The following C8orf34 variants were observed in gnomAD, a reference collection of about 807,000 sequenced individuals.
The protein encoded by C8orf34 is chromosome 8 open reading frame 34.
C8orf34 carries 65 observed loss-of-function variants against 68.3 expected under a neutral mutation model. The observed-to-expected ratio is 0.95, with a 90% CI of 0.78 to 1.17. The LOEUF (loss-of-function observed/expected upper bound fraction) is 1.17, where lower values mean the gene tolerates loss of function less well. C8orf34 is among the 50% of genes most tolerant of loss of function. The probability of loss-of-function intolerance (pLI) is 0.00; values close to 1 mark genes in which losing one functional copy is unlikely to be tolerated. For missense variants in C8orf34, 664 were observed against 655.4 expected, an observed-to-expected ratio of 1.01 and a Z score of -0.14; for synonymous variants, 244 against 241.2, an observed-to-expected ratio of 1.01 and a Z score of -0.11.
intron 4 of C8orf34, among the ~76,000 whole-genome samples, chr8:68,485,768 G>A (rs1300892702): frequency 6.7e-6 from 1 of 150,040 alleles, no homozygotes; most frequent in African/African-American, 2.4e-5. Context: ...TAAATCAAGA[G>A]GTTAAGAGAG....
At chr8:68,485,777 A>G (rs1813055496) in intron 4 of C8orf34, among the ~76,000 whole-genome samples, 1 of 151,484 alleles carries the variant, frequency 6.6e-6, no homozygotes, top group Non-Finnish European at 1.5e-5. Flanking sequence ...AGGTTAAGAG[A>G]GTTTAAAAAA....
rs546006697 is a variant in C8orf34, at chr8:68,524,732, A to G, written c.938+2761A>G. ...ATTTAGAGTTATTAAAAATAATCCC[A>G]TGTTTATAATATAAATGTAAACAAA... On this transcript the variant is annotated intron_variant, in intron 6 of 13. Transcript: ENST00000518698. Among the ~76,000 whole-genome samples the G allele has an allele frequency of 3.3e-5, 5 of 152,334 alleles. No homozygotes were observed. The East Asian group carries it at 9.7e-4, about 29-fold the overall frequency.
intron 7 of C8orf34, among the ~76,000 whole-genome samples, chr8:68,635,829 G>T (rs1818823815): frequency 1.3e-5 from 2 of 151,672 alleles, no homozygotes; most frequent in Admixed American, 1.3e-4. Flanking sequence ...TTCTCTGCAG[G>T]CACAGGGGGA....
At chr8:68,701,476 C>T (rs1821014342) in intron 8 of C8orf34, among the ~76,000 whole-genome samples, 1 of 152,034 alleles carries the variant, frequency 6.6e-6, no homozygotes, top group African/African-American at 2.4e-5. Flanking sequence ...TAAATGACAA[C>T]AGGATTAGTT....
chr8:68,709,117 G>C (rs1329126109), intron 9 of C8orf34, 38 bp downstream of exon 9: 29 of 1,469,876 alleles, frequency 2.0e-5, no homozygotes, highest in Non-Finnish European at 2.7e-5. Flanking sequence ...TGCAGTTCTA[G>C]TGGCACTTAA....
chr8:68,389,091 G>C (rs1188872210), intron 1 of C8orf34, among the ~76,000 whole-genome samples: 1 of 152,108 alleles, frequency 6.6e-6, no homozygotes, highest in African/African-American at 2.4e-5. Context: ...TCTGGCATTC[G>C]TATTTTTGTA....
intron 9 of C8orf34, among the ~76,000 whole-genome samples, chr8:68,721,057 T>C (rs1008284250): frequency 6.6e-6 from 1 of 152,124 alleles, no homozygotes; most frequent in South Asian, 2.1e-4. Flanking sequence ...TTAAATATAA[T>C]TATGTTCCAA....
chr8:68,465,170 C>T (rs1373812820), intron 3 of C8orf34, among the ~76,000 whole-genome samples: 1 of 152,112 alleles, frequency 6.6e-6, no homozygotes, highest in African/African-American at 2.4e-5. Context: ...CAAAAGAAGA[C>T]AATTATGCAG....
intron 10 of C8orf34, among the ~76,000 whole-genome samples, chr8:68,741,786 T>C (rs1010028493): frequency 7.9e-5 from 12 of 152,208 alleles, no homozygotes; most frequent in African/African-American, 2.9e-4. Context: ...ATCCATGTTG[T>C]TGTAAATGAC....
intron 8 of C8orf34, among the ~76,000 whole-genome samples, chr8:68,662,858 G>A (rs1819723679): frequency 6.6e-6 from 1 of 152,134 alleles, no homozygotes; most frequent in Non-Finnish European, 1.5e-5. Flanking sequence ...CACTCATCAT[G>A]TCAAAGCACC....
chr8:68,723,258 G>C (rs1360967898), intron 10 of C8orf34, among the ~76,000 whole-genome samples: 1 of 152,016 alleles, frequency 6.6e-6, no homozygotes, highest in African/African-American at 2.4e-5. Context: ...ACAATTAACT[G>C]ATGTTCAGAT....
In C8orf34 at chr8:68,362,280, A is replaced by C. The variant is rs544155161; in HGVS notation, c.327+30941A>C. Among the ~76,000 whole-genome samples, 8 of 152,380 alleles carry C rather than the reference A, an allele frequency of 5.3e-5. No homozygotes were observed. The South Asian group carries it at 1.4e-3, about 28-fold the overall frequency. ...ATTGGCTAAGTAATGAAGATTATTT[A>C]TTAAACTCATAGAGTTTATACACAT... On this transcript the variant is annotated intron_variant, in intron 1 of 13. Transcript: ENST00000518698.
intron 3 of C8orf34, among the ~76,000 whole-genome samples, chr8:68,462,012 C>A (rs1811856248): frequency 6.6e-6 from 1 of 152,168 alleles, no homozygotes; most frequent in South Asian, 2.1e-4. Flanking sequence ...GATAAAGAGT[C>A]AAGACCCATC....
chr8:68,689,047 G>A (rs1482735469), intron 8 of C8orf34, among the ~76,000 whole-genome samples: 2 of 152,010 alleles, frequency 1.3e-5, no homozygotes, highest in African/African-American at 4.8e-5. Context: ...AATACACCAT[G>A]AAATACTACT....
chr8:68,786,632 A>G (rs187014396), intron 11 of C8orf34, among the ~76,000 whole-genome samples: 9 of 152,304 alleles, frequency 5.9e-5, no homozygotes, highest in Admixed American at 2.6e-4. Flanking sequence ...TAGAGCTACC[A>G]GTTAATTATA....
chr8:68,588,765 C>T (rs1382245532), intron 7 of C8orf34, among the ~76,000 whole-genome samples: 2 of 152,108 alleles, frequency 1.3e-5, no homozygotes, highest in African/African-American at 2.4e-5. Context: ...GGTAAAATAT[C>T]GATCCCATCT....
chr8:68,623,262 C>A (rs755022935), intron 7 of C8orf34, among the ~76,000 whole-genome samples: 1 of 152,138 alleles, frequency 6.6e-6, no homozygotes, highest in African/African-American at 2.4e-5. Context: ...GTATTTTATT[C>A]GTATATAGTA....
chr8:68,709,521 T>C (rs1457655628), intron 9 of C8orf34, among the ~76,000 whole-genome samples: 1 of 152,140 alleles, frequency 6.6e-6, no homozygotes, highest in Non-Finnish European at 1.5e-5. Flanking sequence ...ATATCATACT[T>C]GACAATATCA....
intron 3 of C8orf34, among the ~76,000 whole-genome samples, chr8:68,454,029 A>T (rs1249114781): frequency 6.6e-6 from 1 of 151,978 alleles, no homozygotes; most frequent in Non-Finnish European, 1.5e-5. Context: ...ATCAATTGAG[A>T]TAATCATGCA....
Sources: allele counts gnomAD v4.1 joint callset (sites outside exome capture counted in the v4.1 genomes callset), GRCh38; gene constraint gnomAD v4.1.1; transcripts MANE v1.5; gene names NCBI Gene and HGNC (gene_info 2026-07-23, HGNC 2026-07-21).